The following GABRG1 variants were observed in gnomAD, a reference collection of about 807,000 sequenced individuals.
The protein encoded by GABRG1 is gamma-aminobutyric acid type A receptor subunit gamma1, also known as gamma-aminobutyric acid receptor subunit gamma-1.
GABRG1 carries 49 observed loss-of-function variants against 49.8 expected under a neutral mutation model. The ratio of observed to expected loss-of-function variants is 0.98; its 90% CI spans 0.78 to 1.25. The LOEUF (loss-of-function observed/expected upper bound fraction) is 1.25, where lower values mean the gene tolerates loss of function less well. Among genes scored for constraint, GABRG1 ranks in the 50% most tolerant of loss-of-function variants. GABRG1 has a pLI of 0.00. For synonymous variants in GABRG1, 232 were observed against 185.1 expected, an observed-to-expected ratio of 1.25 and a Z score of -2.06; for missense variants, 552 against 552.3, an observed-to-expected ratio of 1.00 and a Z score of 0.01.
At position 46,051,891 on chromosome 4, in the gene GABRG1, A is replaced by T. The variant is rs1000918159; in HGVS notation, c.917-253T>A. Reference sequence around the variant, plus strand: ...CTGATATCCATTCTTCCCTTCCTCCATTGTAATAGAATATCAAATATTTAG... The same window carrying T: ...CTGATATCCATTCTTCCCTTCCTCCTTTGTAATAGAATATCAAATATTTAG... On this transcript the variant is annotated intron_variant, in intron 7 of 8. Transcript: ENST00000295452. Among the ~76,000 whole-genome samples, 4 of 151,752 alleles carry T rather than the reference A, an allele frequency of 2.6e-5. 1 individual carries two copies. The highest frequency in any genetic ancestry group is 9.7e-5 in the African/African-American group (4 of 41,384).
Position 46,118,029 on chromosome 4 carries a change from C to T in GABRG1, c.104+5781G>A, listed in dbSNP as rs1296165824. ...ATATGTATACATGTGTATCTATATA[C>T]ATATATACATATGTATACATGTGTG... is the stretch of plus-strand genomic sequence containing the variant. On this transcript the variant is annotated intron_variant, in intron 1 of 8. Transcript: ENST00000295452. 1.6e-5 allele frequency among the ~76,000 whole-genome samples: 2 copies of T among 123,726 alleles called. 1 individual carries two copies. The highest frequency in any genetic ancestry group is 7.1e-5 in the African/African-American group (2 of 28,088). The allele number at this position is 123,726 out of a possible 152,430, so 81.2% of individuals were successfully genotyped here. A position where few individuals can be genotyped will look rare whatever the true frequency, so the allele number is the denominator to read the frequency against.
At chr4:46,096,451 T>C (rs904877212) in intron 2 of GABRG1, among the ~76,000 whole-genome samples, 2 of 151,408 alleles carry the variant, frequency 1.3e-5, no homozygotes, top group African/African-American at 4.9e-5. Flanking sequence ...AGAAATTCAC[T>C]GCCCATATAG....
intron 1 of GABRG1, among the ~76,000 whole-genome samples, chr4:46,106,345 G>T (rs1720545769): frequency 6.6e-6 from 1 of 151,232 alleles, no homozygotes; most frequent in Admixed American, 6.6e-5. Flanking sequence ...GGGTCCCAGG[G>T]GATACCCCAT....
In GABRG1 at chr4:46,081,850, A is replaced by G. The variant is rs140584327; in HGVS notation, c.321+2136T>C. On this transcript the variant is annotated intron_variant, in intron 3 of 8. Coordinates refer to ENST00000295452, the MANE Select transcript of GABRG1 (RefSeq NM_173536.4). ...AGAGAAACGTTGGATACAAAAGGAG[A>G]TATCAGGGATGCACAGGCACAGAGA... Among the ~76,000 whole-genome samples, 7 of 151,958 alleles carry G rather than the reference A, an allele frequency of 4.6e-5. No homozygotes were observed. The Admixed American group carries it at 4.6e-4, about 10-fold the overall frequency.
At chr4:46,119,871 A>T (rs570803194) in intron 1 of GABRG1, among the ~76,000 whole-genome samples, 43 of 151,824 alleles carry the variant, frequency 2.8e-4, no homozygotes, top group African/African-American at 9.9e-4. Flanking sequence ...ACACACAAGG[A>T]TCCATATATT....
At chr4:46,099,755 C>T (rs1239966852) in intron 1 of GABRG1, among the ~76,000 whole-genome samples, 1 of 151,634 alleles carries the variant, frequency 6.6e-6, no homozygotes, top group Non-Finnish European at 1.5e-5. Flanking sequence ...CTCAAGAAAG[C>T]TTTCTAGTAG....
intron 1 of GABRG1, among the ~76,000 whole-genome samples, chr4:46,106,219 C>T (rs1476638551): frequency 4.0e-5 from 6 of 151,386 alleles, no homozygotes; most frequent in African/African-American, 1.2e-4. Flanking sequence ...ATAAATGCAG[C>T]AATAGCTAAT....
intron 8 of GABRG1, 116 bp downstream of exon 8, chr4:46,051,302 ACTTTGT>A: frequency 1.6e-5 from 11 of 708,200 alleles, no homozygotes; most frequent in Non-Finnish European, 2.5e-5. Flanking sequence ...TTTCATCTTA[ACTTTGT>A]CTTTGGTTAT....
chr4:46,091,660 T>C (rs1374760916), intron 2 of GABRG1, among the ~76,000 whole-genome samples: 1 of 151,776 alleles, frequency 6.6e-6, no homozygotes, highest in Non-Finnish European at 1.5e-5. Flanking sequence ...GAAACACAAA[T>C]AGGGAGAAAA....
At chr4:46,062,511 A>G (rs145483753) in intron 5 of GABRG1, among the ~76,000 whole-genome samples, 4,792 of 152,146 alleles carry the variant, frequency 0.031, 173 homozygotes, top group South Asian at 0.18. Context: ...AAGTGTTCCT[A>G]TTTCTCCACA....
intron 8 of GABRG1, among the ~76,000 whole-genome samples, chr4:46,050,186 T>C (rs751518050): frequency 6.6e-6 from 1 of 151,932 alleles, no homozygotes; most frequent in Non-Finnish European, 1.5e-5. Context: ...AAATATATCC[T>C]ATAGATAAGC....
rs2109388767 is a variant in GABRG1, at chr4:46,039,080, A to G, written c.*1908T>C. On this transcript the variant is annotated 3_prime_UTR_variant, in exon 9 of 9. Transcript: ENST00000295452. ...TCAAACATGAAAATAGCCATACAATATTTTAGTAAAGTATTTTATTCTTTA... is the reference window on the plus strand; with the variant it reads ...TCAAACATGAAAATAGCCATACAATGTTTTAGTAAAGTATTTTATTCTTTA... 1 of 151,628 alleles carries G rather than the reference A, an allele frequency of 6.6e-6. No homozygotes were observed. 9.4% of individuals were successfully genotyped at this position (151,628 alleles called of 1,614,324 possible). A position where few individuals can be genotyped will look rare whatever the true frequency, so the allele number is the denominator to read the frequency against.
intron 1 of GABRG1, among the ~76,000 whole-genome samples, chr4:46,100,745 T>G (rs1456731858): frequency 1.4e-5 from 2 of 148,034 alleles, no homozygotes; most frequent in Admixed American, 1.4e-4. Flanking sequence ...TTTTTTTTTA[T>G]GGTGGCAATA....
rs1717561352 is a variant in GABRG1, at chr4:46,037,124, C to G, written c.*3864G>C. 1 of 151,850 alleles carries G rather than the reference C, an allele frequency of 6.6e-6. No individual in the cohort carries two copies. Among genetic ancestry groups the G allele is most frequent in the Non-Finnish European group, 1.5e-5 (1 of 67,868 alleles). 9.4% of individuals were successfully genotyped at this position (151,850 alleles called of 1,614,324 possible). On this transcript the variant is annotated 3_prime_UTR_variant, in exon 9 of 9. Transcript: ENST00000295452. The stretch of plus-strand genomic sequence containing the variant: ...CCCTTCCTTAAATTGTATAACTAAT[C>G]CTCTCATCTTTCTGACTACATTATA...
intron 3 of GABRG1, 40 bp downstream of exon 3, chr4:46,083,946 A>G: frequency 9.2e-7 from 1 of 1,090,170 alleles, no homozygotes; most frequent in Non-Finnish European, 1.4e-6. Flanking sequence ...TACACGAGAG[A>G]TCTCTGTGGC....
At position 46,062,095 on chromosome 4, in the gene GABRG1, C is replaced by G. The variant is rs1453657684; in HGVS notation, c.625+2346G>C. The stretch of plus-strand genomic sequence containing the variant: ...CCTGTGTCCATGTGTTCTCATTGTT[C>G]AATTCCCATCTATGAGTGAGAACAT... On this transcript the variant is annotated intron_variant, in intron 5 of 8. Transcript: ENST00000295452. Among the ~76,000 whole-genome samples the G allele has an allele frequency of 1.8e-4, 25 of 137,546 alleles. No homozygotes were observed. In the South Asian group the frequency reaches 5.5e-3, roughly 30 times the overall value. The allele number at this position is 137,546 out of a possible 152,430, so 90.2% of individuals were successfully genotyped here.
intron 2 of GABRG1, among the ~76,000 whole-genome samples, chr4:46,087,816 G>A (rs577170829): frequency 6.6e-6 from 1 of 151,970 alleles, no homozygotes; most frequent in South Asian, 2.1e-4. Context: ...AATTAACAAG[G>A]AAATGTCAAA....
chr4:46,051,355 T>C, intron 8 of GABRG1, 69 bp downstream of exon 8: 1 of 1,209,070 alleles, frequency 8.3e-7, no homozygotes, highest in Non-Finnish European at 1.1e-6. Context: ...AACAAACACA[T>C]AAATATTCAA....
chr4:46,116,578 A>G (rs991575296), intron 1 of GABRG1, among the ~76,000 whole-genome samples: 3 of 150,840 alleles, frequency 2.0e-5, no homozygotes, highest in Admixed American at 6.6e-5. Flanking sequence ...CTCTGAAGGC[A>G]GAAACATATA....
Sources: allele counts gnomAD v4.1 joint callset (sites outside exome capture counted in the v4.1 genomes callset), GRCh38; gene constraint gnomAD v4.1.1; transcripts MANE v1.5; gene names NCBI Gene and HGNC (gene_info 2026-07-23, HGNC 2026-07-21).